Variants in LIMCH1 observed in about 807,000 individuals in gnomAD.
The protein encoded by LIMCH1 is LIM and calponin homology domains-containing protein 1.
LIMCH1 carries 113 observed loss-of-function variants against 176.5 expected under a neutral mutation model. That is an observed-to-expected ratio of 0.64 (90% CI 0.55 to 0.75). The LOEUF (loss-of-function observed/expected upper bound fraction) is 0.75, where lower values mean the gene tolerates loss of function less well. Ranked by LOEUF, LIMCH1 falls within the 30% of genes least tolerant of loss-of-function variation. LIMCH1 has a pLI of 0.00. For missense variants in LIMCH1, 1,674 were observed against 1,814.9 expected, an observed-to-expected ratio of 0.92 and a Z score of 1.41; for synonymous variants, 619 against 645.9, an observed-to-expected ratio of 0.96 and a Z score of 0.63.
intron 16 of LIMCH1, 54 bp from the exon 17 acceptor site, chr4:41,646,431 T>G: frequency 6.3e-7 from 1 of 1,579,638 alleles, no homozygotes; most frequent in South Asian, 1.2e-5. Context: ...TACCAAGGTC[T>G]TCTTTGCAAT....
chr4:41,682,896 C>T (rs1229435073), intron 26 of LIMCH1, among the ~76,000 whole-genome samples: 1 of 151,986 alleles, frequency 6.6e-6, no homozygotes, highest in Non-Finnish European at 1.5e-5. Flanking sequence ...AGGCTGGTCT[C>T]GAACTCCTGA....
chr4:41,566,145 A>G (rs1445947856), intron 1 of LIMCH1, among the ~76,000 whole-genome samples: 4 of 152,160 alleles, frequency 2.6e-5, no homozygotes, highest in Non-Finnish European at 5.9e-5. Context: ...GTCAGGCCAT[A>G]TGGGTGGTCA....
rs2082195823 is a variant in LIMCH1, at chr4:41,562,466, C to T, written c.-241+24116C>T. ...TCAATAAGTATTGGTAGTAGGATAA[C>T]AATTTTGGTGCAATGCTGAGACAAA... On this transcript the variant is annotated intron_variant, in intron 1 of 31. Transcript: ENST00000503057. Among the ~76,000 whole-genome samples, 4 of 152,266 alleles carry T rather than the reference C, an allele frequency of 2.6e-5. No homozygotes were observed. The East Asian group carries it at 5.8e-4, about 22-fold the overall frequency.
At chr4:41,448,513 C>T (rs1488855011) in intron 1 of LIMCH1, among the ~76,000 whole-genome samples, 3 of 151,510 alleles carry the variant, frequency 2.0e-5, no homozygotes, top group South Asian at 2.1e-4. Flanking sequence ...TATGTCAGTG[C>T]GTAAGGAAGC....
intron 1 of LIMCH1, among the ~76,000 whole-genome samples, chr4:41,588,374 C>A (rs1246063997): frequency 6.6e-6 from 1 of 152,016 alleles, no homozygotes. Context: ...GAGGCTTGTT[C>A]ACACTTCTTC....
chr4:41,616,595 A>G (rs2092108010), intron 5 of LIMCH1, among the ~76,000 whole-genome samples: 1 of 152,058 alleles, frequency 6.6e-6, no homozygotes, highest in Admixed American at 6.6e-5. Flanking sequence ...ACATTCTCCT[A>G]ACTCTGGACA....
intron 1 of LIMCH1, among the ~76,000 whole-genome samples, chr4:41,597,144 T>C (rs868633977): frequency 1.3e-5 from 2 of 152,168 alleles, no homozygotes; most frequent in Non-Finnish European, 2.9e-5. Flanking sequence ...ATGATCAGCC[T>C]CTACCTGCAT....
intron 1 of LIMCH1, among the ~76,000 whole-genome samples, chr4:41,582,516 T>C (rs1038930443): frequency 1.3e-5 from 2 of 152,160 alleles, no homozygotes; most frequent in Non-Finnish European, 2.9e-5. Flanking sequence ...GGCAACGCAG[T>C]GTAGTGGTAA....
chr4:41,653,359 A>G (rs2152953842), intron 18 of LIMCH1, among the ~76,000 whole-genome samples: 1 of 151,802 alleles, frequency 6.6e-6, no homozygotes, highest in South Asian at 2.1e-4. Flanking sequence ...AAAGGAATTA[A>G]TTGGTCATGG....
At chr4:41,587,901 G>A (rs975106760) in intron 1 of LIMCH1, among the ~76,000 whole-genome samples, 3 of 152,068 alleles carry the variant, frequency 2.0e-5, no homozygotes, top group South Asian at 4.2e-4. Flanking sequence ...TCAAAATACC[G>A]TAACATATCA....
In LIMCH1 at chr4:41,699,153, G is replaced by A. The variant is rs139719703; in HGVS notation, c.*1968G>A. On this transcript the variant is annotated 3_prime_UTR_variant, in exon 32 of 32. Coordinates refer to ENST00000503057, the MANE Select transcript of LIMCH1 (RefSeq NM_001330672.2). ...AGTACCACTAGTAATGCACAAACAT[G>A]TACAATATGGTCATTCATAACCGAT... The A allele has an allele frequency of 7.2e-6, 1 of 138,972 alleles. No homozygotes were observed. The highest frequency in any genetic ancestry group is 1.9e-4 in the East Asian group (1 of 5,168). The allele number at this position is 138,972 out of a possible 1,614,324, so 8.6% of individuals were successfully genotyped here.
chr4:41,437,948 C>CA (rs1476945351), intron 1 of LIMCH1, among the ~76,000 whole-genome samples: 1 of 152,198 alleles, frequency 6.6e-6, no homozygotes, highest in African/African-American at 2.4e-5. Context: ...CTGCAGTGAC[C>CA]ACTGGATTAT....
intron 1 of LIMCH1, among the ~76,000 whole-genome samples, chr4:41,560,996 A>G (rs1460266673): frequency 6.6e-6 from 1 of 152,180 alleles, no homozygotes; most frequent in African/African-American, 2.4e-5. Context: ...CAGCCTGGGC[A>G]ACAGAGTGAG....
intron 1 of LIMCH1, among the ~76,000 whole-genome samples, chr4:41,581,266 A>G (rs1048020318): frequency 2.6e-5 from 4 of 152,154 alleles, no homozygotes; most frequent in African/African-American, 4.8e-5. Context: ...AATGACCACC[A>G]CAACTGAGCT....
intron 1 of LIMCH1, among the ~76,000 whole-genome samples, chr4:41,412,046 A>G (rs2059542383): frequency 6.6e-6 from 1 of 151,770 alleles, no homozygotes; most frequent in African/African-American, 2.4e-5. Context: ...GTGCATTTTT[A>G]AAAACCAGCC....
chr4:41,437,920 G>A (rs2062262146), intron 1 of LIMCH1, among the ~76,000 whole-genome samples: 1 of 152,222 alleles, frequency 6.6e-6, no homozygotes, highest in Admixed American at 6.5e-5. Flanking sequence ...ATTGTCACAT[G>A]TGGTTTAAGT....
At chr4:41,688,431 G>A (rs1274617328) in intron 29 of LIMCH1, among the ~76,000 whole-genome samples, 1 of 152,186 alleles carries the variant, frequency 6.6e-6, no homozygotes, top group African/African-American at 2.4e-5. Context: ...AAATTACTGA[G>A]TGCTCAGAGA....
rs1321343264 is a variant in LIMCH1 at position 41,680,018 on chromosome 4, A to G, written c.3532A>G (p.Lys1178Glu). ...AATTCCATAACAGGAGAGATACCAG[A>G]AGGAGCAGGACAAGCTGAAAGAAGA... ...QERLLQERYQ[K>E]EQDKLKEEWE... The change falls in exon 24 of 32, where the codon AAG becomes GAG. Residue 1178 changes from lysine (K) to glutamate (E), a missense_variant. By Grantham distance (56) the Lys-to-Glu change is moderately conservative. Around this residue, in one of 3 missense-constraint regions of LIMCH1, gnomAD observed 1,015 missense variants for 1,102.5 expected, o/e 0.92. Coordinates refer to ENST00000503057, the MANE Select transcript of LIMCH1 (RefSeq NM_001330672.2). The G allele has an allele frequency of 1.9e-6, 3 of 1,609,516 alleles. No homozygotes were observed. The highest frequency in any genetic ancestry group is 1.7e-6 in the Non-Finnish European group (2 of 1,177,692).
intron 18 of LIMCH1, among the ~76,000 whole-genome samples, chr4:41,660,141 T>C (rs1200810947): frequency 6.6e-6 from 1 of 152,204 alleles, no homozygotes; most frequent in Non-Finnish European, 1.5e-5. Context: ...AAACTATGTA[T>C]ACAGTTTACA....
Sources: gnomAD v4.1 joint callset for allele counts (sites outside exome capture counted in the v4.1 genomes callset) on GRCh38, gnomAD v4.1.1 for gene constraint, gnomAD v4.1.1 regional missense constraint, MANE v1.5 for transcripts, NCBI Gene and HGNC (gene_info 2026-07-23, HGNC 2026-07-21) for gene names.